UCHL3: variants seen among roughly 807,000 people sequenced by gnomAD.
UCHL3 encodes ubiquitin C-terminal hydrolase L3.
A neutral mutation model predicts 35.8 loss-of-function variants in UCHL3; 22 were observed. That is an observed-to-expected ratio of 0.61 (90% CI 0.44 to 0.88). The LOEUF (loss-of-function observed/expected upper bound fraction) is 0.88, where lower values mean the gene tolerates loss of function less well. UCHL3 is among the 40% of genes least tolerant of loss of function. The pLI is 0.00. For missense variants in UCHL3, 229 were observed against 276.9 expected (o/e 0.83, Z 1.23); for synonymous variants, 90 against 92.8 (o/e 0.97, Z 0.17).
At chr13:75,573,914 T>G in intron 6 of UCHL3, among the ~76,000 whole-genome samples, 1 of 152,142 alleles carries the variant, frequency 6.6e-6, no homozygotes, top group East Asian at 1.9e-4. Context: ...CTTTCAGGTC[T>G]CACCTTAAAA....
Position 75,572,735 on chromosome 13 carries a change from A to T in UCHL3, c.474+3228A>T, listed in dbSNP as rs117202683. On this transcript the variant is annotated intron_variant, in intron 6 of 8. Transcript: ENST00000377595. ...TCCCCCGAGTAAACAAAACATATCC[A>T]TTAGCCATTGTTTCCAAATAGGACA... is the stretch of plus-strand genomic sequence containing the variant. Among the ~76,000 whole-genome samples, 5 of 152,288 alleles carry T rather than the reference A, an allele frequency of 3.3e-5. No homozygotes were observed. In the East Asian group the frequency reaches 9.6e-4, roughly 29 times the overall value.
At chr13:75,605,352 A>C (rs914206491) in intron 8 of UCHL3, among the ~76,000 whole-genome samples, 5 of 152,148 alleles carry the variant, frequency 3.3e-5, no homozygotes, top group Non-Finnish European at 7.4e-5. Context: ...TACTAAAAAT[A>C]TAGAAATTAG....
chr13:75,562,328 G>A (rs1410742592), intron 3 of UCHL3, among the ~76,000 whole-genome samples: 1 of 152,050 alleles, frequency 6.6e-6, no homozygotes, highest in African/African-American at 2.4e-5. Flanking sequence ...GAAATTTGGA[G>A]TTAGGAATTT....
At chr13:75,558,762 G>C (rs2138463422) in intron 2 of UCHL3, among the ~76,000 whole-genome samples, 1 of 152,252 alleles carries the variant, frequency 6.6e-6, no homozygotes, top group East Asian at 1.9e-4. Flanking sequence ...TATACCTTGG[G>C]TGTCTGTGAT....
rs1325619870 is a variant in UCHL3 at position 75,593,460 on chromosome 13, C to T, written c.475-1455C>T. Reference sequence around the variant, plus strand: ...CTTTTTTCTAAGATGATGGAAAATACAAGGAGACATATTTAGCCTCAGTAT... The same window carrying T: ...CTTTTTTCTAAGATGATGGAAAATATAAGGAGACATATTTAGCCTCAGTAT... On this transcript the variant is annotated intron_variant, in intron 6 of 8. Coordinates refer to ENST00000377595, the MANE Select transcript of UCHL3 (RefSeq NM_006002.5). 3.9e-5 allele frequency among the ~76,000 whole-genome samples: 6 copies of T among 152,058 alleles called. No homozygotes were observed. In the South Asian group the frequency reaches 1.0e-3, roughly 26 times the overall value.
At chr13:75,583,959 G>A (rs1194577990) in intron 6 of UCHL3, among the ~76,000 whole-genome samples, 4 of 152,178 alleles carry the variant, frequency 2.6e-5, no homozygotes, top group African/African-American at 9.7e-5. Flanking sequence ...AGATTAAGTG[G>A]GGACAAGATG....
At chr13:75,588,037 C>A (rs893335352) in intron 6 of UCHL3, among the ~76,000 whole-genome samples, 1 of 150,494 alleles carries the variant, frequency 6.6e-6, no homozygotes, top group African/African-American at 2.4e-5. Flanking sequence ...TTTTTTTTTT[C>A]TCTGACCCAG....
At chr13:75,560,262 A>G (rs2031449028) in intron 2 of UCHL3, among the ~76,000 whole-genome samples, 1 of 152,194 alleles carries the variant, frequency 6.6e-6, no homozygotes, top group East Asian at 1.9e-4. Flanking sequence ...ATTTACTATA[A>G]CTTAAATGCC....
chr13:75,561,541 A>ATAT (rs1566211231), intron 3 of UCHL3, among the ~76,000 whole-genome samples: 62 of 150,420 alleles, frequency 4.1e-4, no homozygotes, highest in African/African-American at 1.4e-3. Flanking sequence ...CAGTTTTTTC[A>ATAT]ATATATATAT....
intron 7 of UCHL3, among the ~76,000 whole-genome samples, chr13:75,598,654 A>C (rs928307056): frequency 6.6e-5 from 10 of 152,232 alleles, no homozygotes; most frequent in African/African-American, 2.2e-4. Flanking sequence ...GAATAACTGC[A>C]GAAATAATGC....
upstream of UCHL3, chr13:75,549,629 T>C (rs2030996556): frequency 9.9e-6 from 5 of 504,570 alleles, no homozygotes; most frequent in Non-Finnish European, 1.7e-5. Flanking sequence ...TAATTTAAAA[T>C]ATGACACTTG....
intron 5 of UCHL3, 24 bp from the exon 6 acceptor site, chr13:75,569,436 T>C (rs2296146): frequency 0.14 from 215,646 of 1,567,678 alleles, 17,753 homozygotes; most frequent in Admixed American, 0.35. Flanking sequence ...TTTTTTCCAA[T>C]GAATACCTTT....
chr13:75,561,848 TAC>T (rs1273454737), intron 3 of UCHL3, among the ~76,000 whole-genome samples: 1 of 149,406 alleles, frequency 6.7e-6, no homozygotes, highest in African/African-American at 2.4e-5. Context: ...CGTATACGTA[TAC>T]ATACGTATAC....
chr13:75,578,151 T>TA (rs1290307877), intron 6 of UCHL3, among the ~76,000 whole-genome samples: 1 of 152,172 alleles, frequency 6.6e-6, no homozygotes, highest in Non-Finnish European at 1.5e-5. Flanking sequence ...ACTTTTTTCT[T>TA]AACATATTAC....
intron 6 of UCHL3, among the ~76,000 whole-genome samples, chr13:75,571,827 A>C (rs756232946): frequency 8.5e-5 from 13 of 152,188 alleles, no homozygotes; most frequent in Non-Finnish European, 1.8e-4. Context: ...ACAGTTTAGA[A>C]ACACTACTGG....
chr13:75,561,546 A>G (rs1723371333), intron 3 of UCHL3, among the ~76,000 whole-genome samples: 1 of 151,700 alleles, frequency 6.6e-6, no homozygotes, highest in Admixed American at 6.6e-5. Flanking sequence ...TTTTCAATAT[A>G]TATATATATA....
chr13:75,603,624 G>C (rs899101238), intron 7 of UCHL3, among the ~76,000 whole-genome samples: 1 of 152,056 alleles, frequency 6.6e-6, no homozygotes, highest in South Asian at 2.1e-4. Context: ...GAATGTGATA[G>C]TCATATAAAC....
At chr13:75,588,709 C>T (rs1016269397) in intron 6 of UCHL3, among the ~76,000 whole-genome samples, 5 of 152,042 alleles carry the variant, frequency 3.3e-5, no homozygotes, top group Admixed American at 6.5e-5. Context: ...AAAAATCATT[C>T]GGAAAGTAAA....
chr13:75,566,829 C>G lies in UCHL3; in HGVS notation c.318C>G (p.Asn106Lys). The change falls in exon 4 of 9, where the codon AAC (asparagine) becomes AAG (lysine). Residue 106 changes from asparagine to lysine, a missense_variant. Coordinates refer to ENST00000377595, the MANE Select transcript of UCHL3 (RefSeq NM_006002.5). ...GTIGLIHAIANNKDKMHFESG... is the reference protein window; with the variant it reads ...GTIGLIHAIAKNKDKMHFESG... Reference sequence around the variant, plus strand: ...TTGGACTGATTCATGCTATTGCAAACAATAAAGACAAGATGCACTTTGGTA... The same window carrying G: ...TTGGACTGATTCATGCTATTGCAAAGAATAAAGACAAGATGCACTTTGGTA... 1 of 1,593,194 alleles carries G rather than the reference C, an allele frequency of 6.3e-7. No homozygotes were observed. The highest frequency in any genetic ancestry group is 8.5e-7 in the Non-Finnish European group (1 of 1,173,954).
Sources: allele counts gnomAD v4.1 joint callset (sites outside exome capture counted in the v4.1 genomes callset), GRCh38; gene constraint gnomAD v4.1.1; transcripts MANE v1.5; gene names NCBI Gene and HGNC (gene_info 2026-07-23, HGNC 2026-07-21).